The following ANKRD36B variants were observed in gnomAD, a reference collection of about 807,000 sequenced individuals.
The protein encoded by ANKRD36B is ankyrin repeat domain-containing protein 36B.
ANKRD36B carries 37 observed loss-of-function variants against 135.7 expected under a neutral mutation model. That is an observed-to-expected ratio of 0.27 (90% CI 0.21 to 0.36). ANKRD36B has a LOEUF of 0.36. Among genes scored for constraint, ANKRD36B ranks in the 10% least tolerant of loss-of-function variants. The pLI is 1.00. For missense variants in ANKRD36B, 549 were observed against 1,037.1 expected (o/e 0.53, Z 6.46); for synonymous variants, 179 against 348.1 (o/e 0.51, Z 5.41).
Position 97,551,385 on chromosome 2 carries a change from A to G in ANKRD36B, c.1303-24T>C, listed in dbSNP as rs2080048463. 1.9e-6 allele frequency: 3 copies of G among 1,603,246 alleles called. No homozygotes were observed. The East Asian group carries it at 6.7e-5, about 36-fold the overall frequency. On this transcript the variant is annotated intron_variant, in intron 17 of 43. Coordinates refer to ENST00000359901, the MANE Select transcript of ANKRD36B (RefSeq NM_001393939.1). ...GCCTGAATGGAATTTGAAACAAAAT[A>G]ATAAATAAGGTATGTTTCATAGGCT...
In ANKRD36B at chr2:97,496,853, A is replaced by ATATATATATG. The variant is rs1332942249; in HGVS notation, c.*7-3999_*7-3998insCATATATATA. Reference sequence around the variant, plus strand: ...TGTGTGTATATATATATATATATATATATATATCTTTTAAAATATTACTGC... The same window carrying ATATATATATG: ...TGTGTGTATATATATATATATATATATATATATATGTATATATCTTTTAAAATATTACTGC... On this transcript the variant is annotated intron_variant, in intron 43 of 43. Transcript: ENST00000359901. 8.3e-5 allele frequency among the ~76,000 whole-genome samples: 6 copies of ATATATATATG among 72,198 alleles called. 1 individual carries two copies. The highest frequency in any genetic ancestry group is 3.8e-4 in the African/African-American group (6 of 15,716). The allele number at this position is 72,198 out of a possible 152,430, so 47.4% of individuals were successfully genotyped here.
At chr2:97,553,745 A>G (rs2080259385) in intron 14 of ANKRD36B, among the ~76,000 whole-genome samples, 2 of 151,966 alleles carry the variant, frequency 1.3e-5, no homozygotes, top group South Asian at 4.1e-4. Context: ...CATGTCTTTT[A>G]TGCAAGATAT....
chr2:97,586,098 T>C (rs924060400), intron 1 of ANKRD36B, among the ~76,000 whole-genome samples: 5 of 152,196 alleles, frequency 3.3e-5, no homozygotes, highest in African/African-American at 4.8e-5. Context: ...ATACAGTTCA[T>C]AGAACAGGCA....
At chr2:97,531,251 T>C (rs2078576443) in intron 35 of ANKRD36B, among the ~76,000 whole-genome samples, 1 of 88,632 alleles carries the variant, frequency 1.1e-5, no homozygotes, top group Admixed American at 1.0e-4. Flanking sequence ...TTCATGTCCT[T>C]TGTAGGGACA....
intron 35 of ANKRD36B, among the ~76,000 whole-genome samples, chr2:97,531,531 A>G (rs946379014): frequency 2.1e-5 from 2 of 93,492 alleles, no homozygotes; most frequent in African/African-American, 6.4e-5. Flanking sequence ...CATTGTGCAC[A>G]TGTTCCCTAA....
intron 35 of ANKRD36B, among the ~76,000 whole-genome samples, chr2:97,526,741 G>T (rs2078235996): frequency 1.0e-5 from 1 of 97,294 alleles, no homozygotes; most frequent in African/African-American, 3.1e-5. Flanking sequence ...GGAGGCTCGA[G>T]AACTACGTGA....
Position 97,580,486 on chromosome 2 carries a change from AC to A in ANKRD36B, c.532del (p.Val178Ter), listed in dbSNP as rs1343923614. On this transcript the variant is annotated frameshift_variant, in exon 4 of 44. Coordinates refer to ENST00000359901, the MANE Select transcript of ANKRD36B (RefSeq NM_001393939.1). LOFTEE classifies it high-confidence loss of function. ...VEFLLKKKANVNAIDYLGRSA... is the reference protein window; with the variant it reads ...VEFLLKKKANXNAIDYLGRSA... ...CCTGCCAAGATAATCAATGGCATTT[AC>A]ATTTGCTTTTTTCTTTAATAAAAAT... is the stretch of plus-strand genomic sequence containing the variant. 2 of 1,547,818 alleles carry A rather than the reference AC, an allele frequency of 1.3e-6. No individual in the cohort carries two copies. Among genetic ancestry groups the A allele is most frequent in the African/African-American group, 1.4e-5 (1 of 72,934 alleles).
intron 5 of ANKRD36B, among the ~76,000 whole-genome samples, chr2:97,577,686 A>G: frequency 6.8e-6 from 1 of 147,604 alleles, no homozygotes; most frequent in Non-Finnish European, 1.5e-5. Context: ...GTTAAATCTA[A>G]CTAACAAACT....
Position 97,537,650 on chromosome 2 carries a change from A to G in ANKRD36B, c.2089+518T>C, listed in dbSNP as rs2104508128. Among the ~76,000 whole-genome samples the G allele has an allele frequency of 2.1e-5, 2 of 95,604 alleles. 1 individual carries two copies. The highest frequency in any genetic ancestry group is 4.7e-4 in the South Asian group (2 of 4,244). 62.7% of individuals were successfully genotyped at this position (95,604 alleles called of 152,430 possible). A position where few individuals can be genotyped will look rare whatever the true frequency, so the allele number is the denominator to read the frequency against. On this transcript the variant is annotated intron_variant, in intron 32 of 43. Transcript: ENST00000359901. Reference sequence around the variant, plus strand: ...CTCAGGCTTCCTCAGCAGAAACCCCAAAATTACCTAAATAACTTCTTCCTT... The same window carrying G: ...CTCAGGCTTCCTCAGCAGAAACCCCGAAATTACCTAAATAACTTCTTCCTT...
chr2:97,560,409 C>T (rs1435537382), intron 8 of ANKRD36B, among the ~76,000 whole-genome samples: 1 of 151,818 alleles, frequency 6.6e-6, no homozygotes, highest in Non-Finnish European at 1.5e-5. Flanking sequence ...CTCCCTTAGC[C>T]TGGTATGTGT....
chr2:97,568,047 C>T (rs1279045178), intron 6 of ANKRD36B, among the ~76,000 whole-genome samples: 1 of 152,082 alleles, frequency 6.6e-6, no homozygotes, highest in Non-Finnish European at 1.5e-5. Flanking sequence ...ATTCACATAA[C>T]TTTTATTACA....
chr2:97,571,375 C>T (rs559690620), intron 6 of ANKRD36B, among the ~76,000 whole-genome samples: 9 of 151,738 alleles, frequency 5.9e-5, no homozygotes, highest in African/African-American at 9.7e-5. Context: ...AGGCTGGGGG[C>T]GGTGCCTTAC....
chr2:97,589,535 T>A lies in ANKRD36B; in HGVS notation c.151A>T (p.Arg51Trp). The change falls in exon 1 of 44, where the codon AGG becomes TGG. Residue 51 changes from arginine (R) to tryptophan (W), a missense_variant. By Grantham distance (101) the Arg-to-Trp change is moderately radical. Coordinates refer to ENST00000359901, the MANE Select transcript of ANKRD36B (RefSeq NM_001393939.1). ...LTYYDANKRD[R>W]KERTALHLAC... ...CCCGGCCCCCATTACCTTTCCTTCC[T>A]GTCTCTCTTATTGGCGTCATAATAC... is the stretch of plus-strand genomic sequence containing the variant. 1 of 1,593,896 alleles carries A rather than the reference T, an allele frequency of 6.3e-7. No individual in the cohort carries two copies. The highest frequency in any genetic ancestry group is 8.6e-7 in the Non-Finnish European group (1 of 1,169,426).
At chr2:97,526,986 T>G (rs2078250986) in intron 35 of ANKRD36B, among the ~76,000 whole-genome samples, 1 of 96,500 alleles carries the variant, frequency 1.0e-5, no homozygotes, top group African/African-American at 3.1e-5. Flanking sequence ...CTCTTCAGGA[T>G]ATTATCCAGG....
chr2:97,496,937 G>A (rs2077316473), intron 43 of ANKRD36B, among the ~76,000 whole-genome samples: 1 of 42,560 alleles, frequency 2.3e-5, no homozygotes, highest in Admixed American at 1.6e-4. Flanking sequence ...ATAGATTAAT[G>A]TTGTTTTCAT....
chr2:97,528,261 G>A lies in ANKRD36B; in HGVS notation c.2265+4050C>T, dbSNP rs2078335346. On this transcript the variant is annotated intron_variant, in intron 35 of 43. Coordinates refer to ENST00000359901, the MANE Select transcript of ANKRD36B (RefSeq NM_001393939.1). ...AGGATTAAGAAACTCACTAAAAACC[G>A]CTCAACTACATGGAAACTGAACAAC... Among the ~76,000 whole-genome samples the A allele has an allele frequency of 3.2e-5, 3 of 94,562 alleles. 1 individual carries two copies. The highest frequency in any genetic ancestry group is 8.4e-5 in the Non-Finnish European group (3 of 35,754). 62.0% of individuals were successfully genotyped at this position (94,562 alleles called of 152,430 possible).
At chr2:97,571,433 G>C (rs1220513864) in intron 6 of ANKRD36B, among the ~76,000 whole-genome samples, 1 of 151,950 alleles carries the variant, frequency 6.6e-6, no homozygotes, top group African/African-American at 2.4e-5. Flanking sequence ...GGATCACAAG[G>C]TCAGGAGATG....
rs557668020 is a variant in ANKRD36B, at chr2:97,528,317, G to A, written c.2265+3994C>T. Among the ~76,000 whole-genome samples, 14 of 94,020 alleles carry A rather than the reference G, an allele frequency of 1.5e-4. 2 individuals carry two copies. In the South Asian group the frequency reaches 1.7e-3, roughly 12 times the overall value. 61.7% of individuals were successfully genotyped at this position (94,020 alleles called of 152,430 possible). A position where few individuals can be genotyped will look rare whatever the true frequency, so the allele number is the denominator to read the frequency against. On this transcript the variant is annotated intron_variant, in intron 35 of 43. Coordinates refer to ENST00000359901, the MANE Select transcript of ANKRD36B (RefSeq NM_001393939.1). ...CCTGAATGACTACTGGGTACATAACGAAATGAAGGCAGAAATAAAGATGTT... is the reference window on the plus strand; with the variant it reads ...CCTGAATGACTACTGGGTACATAACAAAATGAAGGCAGAAATAAAGATGTT...
intron 20 of ANKRD36B, among the ~76,000 whole-genome samples, chr2:97,547,985 G>T (rs1037991895): frequency 1.3e-5 from 2 of 151,732 alleles, no homozygotes; most frequent in Non-Finnish European, 2.9e-5. Context: ...AAATAAAACC[G>T]TGTCAATATC....
Sources: allele counts gnomAD v4.1 joint callset (sites outside exome capture counted in the v4.1 genomes callset), GRCh38; gene constraint gnomAD v4.1.1; transcripts MANE v1.5; gene names NCBI Gene and HGNC (gene_info 2026-07-23, HGNC 2026-07-21).